CPA6: variants seen among roughly 807,000 people sequenced by gnomAD.
CPA6 encodes carboxypeptidase B.
Under a neutral mutation model 63.3 loss-of-function variants are expected in CPA6, and 58 were observed. The ratio of observed to expected loss-of-function variants is 0.92; its 90% CI spans 0.74 to 1.14. The LOEUF is 1.14. CPA6 is among the 50% of genes most tolerant of loss of function. The pLI is 0.00. For synonymous variants in CPA6, 185 were observed against 179.0 expected (o/e 1.03, Z -0.27); for missense variants, 565 against 526.6 (o/e 1.07, Z -0.71).
intron 1 of CPA6, among the ~76,000 whole-genome samples, chr8:67,694,020 A>G (rs997861702): frequency 2.0e-5 from 3 of 152,228 alleles, no homozygotes; most frequent in African/African-American, 7.2e-5. Context: ...ACAAAGAAAG[A>G]GGCAAAATGC....
chr8:67,502,405 G>T (rs1271085180), intron 6 of CPA6, among the ~76,000 whole-genome samples: 3 of 152,196 alleles, frequency 2.0e-5, no homozygotes, highest in Non-Finnish European at 4.4e-5. Flanking sequence ...CAAGGCTGCA[G>T]TGAGCCATAA....
At chr8:67,685,270 A>T (rs1816687267) in intron 1 of CPA6, among the ~76,000 whole-genome samples, 1 of 152,152 alleles carries the variant, frequency 6.6e-6, no homozygotes, top group African/African-American at 2.4e-5. Context: ...CATCCTCCTG[A>T]TGTCGCTAGC....
chr8:67,510,257 G>GCCTTATAAGGTGTAAAAAAACA (rs1234289999), intron 4 of CPA6, among the ~76,000 whole-genome samples: 1 of 152,038 alleles, frequency 6.6e-6, no homozygotes. Flanking sequence ...TGACTTAAAA[G>GCCTTATAAGGTGTAAAAAAACA]CCTTATAAGG....
intron 2 of CPA6, among the ~76,000 whole-genome samples, chr8:67,623,878 T>C (rs895407758): frequency 3.9e-5 from 6 of 152,120 alleles, no homozygotes; most frequent in African/African-American, 1.4e-4. Flanking sequence ...GCCAGCATAG[T>C]GAAACCCCGT....
chr8:67,744,725 G>C (rs1410526685), intron 1 of CPA6, among the ~76,000 whole-genome samples: 1 of 152,078 alleles, frequency 6.6e-6, no homozygotes, highest in East Asian at 1.9e-4. Context: ...ATCTCTAAAG[G>C]GGTCACAAAT....
intron 8 of CPA6, among the ~76,000 whole-genome samples, chr8:67,467,725 G>A (rs371933644): frequency 1.2e-3 from 177 of 151,968 alleles, no homozygotes; most frequent in African/African-American, 4.1e-3. Flanking sequence ...AAGGGCGACC[G>A]GGCACGGCGG....
chr8:67,535,010 C>T (rs532305077), intron 2 of CPA6, among the ~76,000 whole-genome samples: 4 of 152,260 alleles, frequency 2.6e-5, no homozygotes, highest in East Asian at 3.9e-4. Flanking sequence ...TGGTTTCCAG[C>T]TTAATCCATC....
At chr8:67,632,609 G>A (rs1464235272) in intron 1 of CPA6, among the ~76,000 whole-genome samples, 4 of 152,128 alleles carry the variant, frequency 2.6e-5, no homozygotes, top group Non-Finnish European at 5.9e-5. Flanking sequence ...ACTGCACCAA[G>A]CCTCATGTTT....
intron 2 of CPA6, among the ~76,000 whole-genome samples, chr8:67,608,190 G>C (rs1243624537): frequency 6.6e-6 from 1 of 152,148 alleles, no homozygotes; most frequent in Admixed American, 6.5e-5. Flanking sequence ...CCCTGGCAAG[G>C]GCTCTACCCT....
At chr8:67,638,600 G>A (rs74659108) in intron 1 of CPA6, among the ~76,000 whole-genome samples, 7,647 of 151,414 alleles carry the variant, frequency 0.051, 383 homozygotes, top group South Asian at 0.11. Flanking sequence ...AGTTCTTCTG[G>A]AGCAATTGCT....
chr8:67,487,522 ATG>A (rs2128961757), intron 6 of CPA6, among the ~76,000 whole-genome samples: 1 of 152,316 alleles, frequency 6.6e-6, no homozygotes, highest in African/African-American at 2.4e-5. Flanking sequence ...TAACGTGTGC[ATG>A]TGTCTTTATA....
chr8:67,681,258 G>A (rs1306344459), intron 1 of CPA6, among the ~76,000 whole-genome samples: 1 of 125,640 alleles, frequency 8.0e-6, no homozygotes, highest in Non-Finnish European at 1.6e-5. Context: ...GCCGGACTGC[G>A]GACTGCAGTG....
chr8:67,623,922 G>A (rs995844511), intron 2 of CPA6, among the ~76,000 whole-genome samples: 10 of 152,080 alleles, frequency 6.6e-5, no homozygotes, highest in South Asian at 6.2e-4. Context: ...GCTTGAACCC[G>A]GGAGGTGGAG....
At chr8:67,581,369 C>T (rs1813767234) in intron 2 of CPA6, among the ~76,000 whole-genome samples, 1 of 152,114 alleles carries the variant, frequency 6.6e-6, no homozygotes, top group South Asian at 2.1e-4. Context: ...GTACAAAGTA[C>T]ATAAAGGCAC....
chr8:67,625,053 A>T (rs953488091), intron 1 of CPA6, among the ~76,000 whole-genome samples: 8 of 151,994 alleles, frequency 5.3e-5, no homozygotes, highest in Admixed American at 6.6e-5. Context: ...TATAGCAGGG[A>T]AGAAATGTAA....
intron 1 of CPA6, among the ~76,000 whole-genome samples, chr8:67,716,856 A>G (rs893567156): frequency 2.0e-5 from 3 of 152,126 alleles, no homozygotes; most frequent in Non-Finnish European, 4.4e-5. Flanking sequence ...CCAGCTGTTC[A>G]TAGTAGCTGA....
chr8:67,520,467 G>C (rs537582411), intron 2 of CPA6, among the ~76,000 whole-genome samples: 1 of 152,216 alleles, frequency 6.6e-6, no homozygotes, highest in African/African-American at 2.4e-5. Context: ...TGTGATATTA[G>C]GAAAGTAAAT....
chr8:67,674,325 T>C (rs1262366972), intron 1 of CPA6, among the ~76,000 whole-genome samples: 1 of 152,208 alleles, frequency 6.6e-6, no homozygotes, highest in Non-Finnish European at 1.5e-5. Flanking sequence ...GACTCCAAGA[T>C]TGCTTTAATG....
intron 2 of CPA6, among the ~76,000 whole-genome samples, chr8:67,536,066 A>G (rs1412754256): frequency 1.3e-5 from 2 of 151,968 alleles, no homozygotes; most frequent in Non-Finnish European, 2.9e-5. Flanking sequence ...TGGTCTATAT[A>G]TCTGTTTTGG....
Sources: allele counts gnomAD v4.1 joint callset (sites outside exome capture counted in the v4.1 genomes callset), GRCh38; gene constraint gnomAD v4.1.1; transcripts MANE v1.5; gene names NCBI Gene and HGNC (gene_info 2026-07-23, HGNC 2026-07-21).